VDAC1: variants seen among roughly 807,000 people sequenced by gnomAD.
VDAC1 encodes non-selective voltage-gated ion channel VDAC1.
Under a neutral mutation model 34.7 loss-of-function variants are expected in VDAC1, and 10 were observed. That is an observed-to-expected ratio of 0.29 (90% CI 0.18 to 0.49). The LOEUF (loss-of-function observed/expected upper bound fraction) is 0.49. Ranked by LOEUF, VDAC1 falls within the 20% of genes least tolerant of loss-of-function variation. The pLI is 0.99. For missense variants in VDAC1, 230 were observed against 347.9 expected (o/e 0.66, Z 2.69); for synonymous variants, 130 against 136.0 (o/e 0.96, Z 0.30).
chr5:134,034,527 G>A, the VDAC1 span, among the ~76,000 whole-genome samples: 1 of 152,220 alleles, frequency 6.6e-6, no homozygotes, highest in Non-Finnish European at 1.5e-5. Flanking sequence ...AATGCCACGC[G>A]CCGGACGCTA....
upstream of VDAC1, chr5:134,005,392 G>A (rs1340071559): frequency 6.6e-6 from 1 of 152,254 alleles, no homozygotes. Flanking sequence ...GATACAATGT[G>A]TCTGGCGCCT....
At chr5:134,016,990 T>C in the VDAC1 span, among the ~76,000 whole-genome samples, 5 of 152,370 alleles carry the variant, frequency 3.3e-5, no homozygotes, top group South Asian at 4.1e-4. Context: ...GCAAGGCCCA[T>C]GTGCCCCTCT....
At chr5:134,041,191 C>A in the VDAC1 span, among the ~76,000 whole-genome samples, 1 of 152,220 alleles carries the variant, frequency 6.6e-6, no homozygotes, top group African/African-American at 2.4e-5. Context: ...AGGCTCCTTC[C>A]GAACATCTTT....
chr5:134,013,640 C>T, the VDAC1 span, among the ~76,000 whole-genome samples: 2 of 152,108 alleles, frequency 1.3e-5, no homozygotes, highest in African/African-American at 4.8e-5. Context: ...AACAAAGACC[C>T]CCATTAAAAA....
At chr5:133,974,500 G>C (rs576759908) in intron 7 of VDAC1, among the ~76,000 whole-genome samples, 27 of 152,222 alleles carry the variant, frequency 1.8e-4, no homozygotes, top group Non-Finnish European at 3.4e-4. Flanking sequence ...AGATTTCAGA[G>C]TGCCCCTTTT....
At chr5:134,065,758 C>T in the VDAC1 span, among the ~76,000 whole-genome samples, 1 of 145,822 alleles carries the variant, frequency 6.9e-6, no homozygotes, top group Non-Finnish European at 1.5e-5. Context: ...GGTCATCAAA[C>T]TTACTTTTTC....
At chr5:134,094,636 G>A in the VDAC1 span, among the ~76,000 whole-genome samples, 2 of 137,244 alleles carry the variant, frequency 1.5e-5, no homozygotes, top group African/African-American at 2.7e-5. Flanking sequence ...GGCGGAGCTT[G>A]CAGTAAGCTG....
the VDAC1 span, among the ~76,000 whole-genome samples, chr5:134,017,135 G>C: frequency 6.6e-6 from 1 of 152,146 alleles, no homozygotes; most frequent in Admixed American, 6.6e-5. Context: ...CTTATTCTGA[G>C]CTCAGCCCTC....
chr5:134,100,239 C>G, the VDAC1 span, among the ~76,000 whole-genome samples: 2 of 152,218 alleles, frequency 1.3e-5, no homozygotes, highest in Non-Finnish European at 2.9e-5. Flanking sequence ...CAGGGCTCTC[C>G]CTGAAAGCAA....
At chr5:134,016,809 C>A in the VDAC1 span, among the ~76,000 whole-genome samples, 1 of 152,336 alleles carries the variant, frequency 6.6e-6, no homozygotes, top group Admixed American at 6.5e-5. Flanking sequence ...CACTGTCTGT[C>A]CAAACCTGCT....
the VDAC1 span, among the ~76,000 whole-genome samples, chr5:134,048,609 A>G: frequency 2.0e-5 from 3 of 152,158 alleles, no homozygotes; most frequent in Admixed American, 6.5e-5. Context: ...ATTACTACTC[A>G]TAAGAGAAAT....
chr5:134,021,600 G>T, the VDAC1 span, among the ~76,000 whole-genome samples: 1 of 150,696 alleles, frequency 6.6e-6, no homozygotes, highest in African/African-American at 2.4e-5. Flanking sequence ...GGGAAATAAA[G>T]CTACCAAGGT....
chr5:133,996,794 G>A (rs1051358627), intron 1 of VDAC1, among the ~76,000 whole-genome samples: 2 of 152,112 alleles, frequency 1.3e-5, no homozygotes, highest in Non-Finnish European at 2.9e-5. Context: ...CTGACAATAG[G>A]AACTCATTAC....
the VDAC1 span, among the ~76,000 whole-genome samples, chr5:134,053,774 G>A: frequency 6.6e-6 from 1 of 152,150 alleles, no homozygotes; most frequent in African/African-American, 2.4e-5. Flanking sequence ...CTTCACCTAG[G>A]GAAGATGCCT....
chr5:134,047,441 G>A, the VDAC1 span, among the ~76,000 whole-genome samples: 8 of 152,268 alleles, frequency 5.3e-5, no homozygotes, highest in East Asian at 7.8e-4. Flanking sequence ...AGCCCAAGCC[G>A]TGAGTGGGGC....
In VDAC1 at chr5:133,978,828, C is replaced by T. The variant is rs190007768; in HGVS notation, c.551+1901G>A. ...ACAAGTTCAAGAACAACCTGGGCAA[C>T]ATGGCGAAATCCTGCCTCCACAAAA... On this transcript the variant is annotated intron_variant, in intron 6 of 8. Transcript: ENST00000265333. Among the ~76,000 whole-genome samples, 3 of 152,206 alleles carry T rather than the reference C, an allele frequency of 2.0e-5. No homozygotes were observed. The East Asian group carries it at 5.8e-4, about 29-fold the overall frequency.
At chr5:134,038,471 G>A in the VDAC1 span, among the ~76,000 whole-genome samples, 37 of 152,234 alleles carry the variant, frequency 2.4e-4, no homozygotes, top group South Asian at 7.5e-3. Context: ...GGGTTTTGCC[G>A]GCTCTGGCCA....
chr5:134,033,846 G>T, the VDAC1 span, among the ~76,000 whole-genome samples: 1 of 151,918 alleles, frequency 6.6e-6, no homozygotes. Context: ...CAAAAAATTA[G>T]CCGGGAGTGG....
At chr5:134,110,724 C>T in the VDAC1 span, among the ~76,000 whole-genome samples, 1 of 152,232 alleles carries the variant, frequency 6.6e-6, no homozygotes, top group Non-Finnish European at 1.5e-5. Flanking sequence ...CACAACCTCT[C>T]CTTGCTGTAA....
Sources: gnomAD v4.1 joint callset for allele counts (sites outside exome capture counted in the v4.1 genomes callset) on GRCh38, gnomAD v4.1.1 for gene constraint, MANE v1.5 for transcripts, NCBI Gene and HGNC (gene_info 2026-07-23, HGNC 2026-07-21) for gene names.